The following PRKCE variants were observed in gnomAD, a reference collection of about 807,000 sequenced individuals.
The protein encoded by PRKCE is protein kinase C epsilon.
PRKCE carries 16 observed loss-of-function variants against 85.4 expected under a neutral mutation model. The ratio of observed to expected loss-of-function variants is 0.19; its 90% CI spans 0.13 to 0.28. PRKCE has a LOEUF of 0.28. Ranked by LOEUF, PRKCE falls within the 10% of genes least tolerant of loss-of-function variation. PRKCE has a pLI of 1.00. For missense variants in PRKCE, 573 were observed against 975.2 expected, an observed-to-expected ratio of 0.59 and a Z score of 5.49; for synonymous variants, 388 against 371.5, an observed-to-expected ratio of 1.04 and a Z score of -0.51.
At chr2:46,040,283 C>T (rs551157196) in intron 10 of PRKCE, among the ~76,000 whole-genome samples, 2 of 152,064 alleles carry the variant, frequency 1.3e-5, no homozygotes, top group African/African-American at 4.8e-5. Flanking sequence ...GGGAGAGGAT[C>T]CACACAAAAG....
At position 46,001,577 on chromosome 2, in the gene PRKCE, C is replaced by G; in HGVS notation, c.966+31C>G. The stretch of plus-strand genomic sequence containing the variant: ...TGGCTGTTTGGTGGTGTTGCTGGAG[C>G]CCTTTTCAGGCTAGCATTTCTGTGC... On this transcript the variant is annotated intron_variant, in intron 7 of 14. Coordinates refer to ENST00000306156, the MANE Select transcript of PRKCE (RefSeq NM_005400.3). The surrounding 1 kb of genome is among the most constrained non-coding windows in gnomAD (Gnocchi z 4.4). 3.1e-6 allele frequency: 5 copies of G among 1,589,672 alleles called. No individual in the cohort carries two copies. Among genetic ancestry groups the G allele is most frequent in the Middle Eastern group, 1.7e-4 (1 of 5,976 alleles).
At chr2:45,719,709 C>T (rs1445617799) in intron 1 of PRKCE, among the ~76,000 whole-genome samples, 1 of 152,138 alleles carries the variant, frequency 6.6e-6, no homozygotes, top group East Asian at 1.9e-4. Context: ...TTTCTCTCCC[C>T]CTTTTACAAT....
At chr2:45,683,192 C>A (rs1295822993) in intron 1 of PRKCE, among the ~76,000 whole-genome samples, 1 of 152,200 alleles carries the variant, frequency 6.6e-6, no homozygotes, top group Non-Finnish European at 1.5e-5. Flanking sequence ...ACCGCAGAAT[C>A]TCTTTGTCTC....
chr2:45,665,988 T>C (rs1010421009), intron 1 of PRKCE, among the ~76,000 whole-genome samples: 8 of 152,142 alleles, frequency 5.3e-5, no homozygotes, highest in African/African-American at 1.9e-4. Flanking sequence ...GACCCCTTTC[T>C]AGGGCTTCTA....
intron 1 of PRKCE, among the ~76,000 whole-genome samples, chr2:45,799,700 C>G (rs1015614462): frequency 5.9e-5 from 9 of 152,202 alleles, no homozygotes; most frequent in Non-Finnish European, 1.2e-4. Context: ...CTTTTTAAAG[C>G]ATGGGGCTCA....
chr2:45,904,435 T>C (rs1696818952), intron 2 of PRKCE, among the ~76,000 whole-genome samples: 1 of 152,100 alleles, frequency 6.6e-6, no homozygotes, highest in South Asian at 2.1e-4. Context: ...TTTTGGTATT[T>C]GTAATGGAGA....
At position 46,097,950 on chromosome 2, in the gene PRKCE, G is replaced by C. The variant is rs191208675; in HGVS notation, c.1592+11588G>C. 4.1e-3 allele frequency among the ~76,000 whole-genome samples: 623 copies of C among 152,336 alleles called. 7 individuals carry two copies. Among genetic ancestry groups the C allele is most frequent in the Admixed American group, 0.015 (226 of 15,308 alleles). On this transcript the variant is annotated intron_variant, in intron 11 of 14. Coordinates refer to ENST00000306156, the MANE Select transcript of PRKCE (RefSeq NM_005400.3). ...CTGAGCTGGCTGGGATGAAAGCCAAGTTTACATTCCTTGGAGGAAGCCGCG... is the reference window on the plus strand; with the variant it reads ...CTGAGCTGGCTGGGATGAAAGCCAACTTTACATTCCTTGGAGGAAGCCGCG...
intron 6 of PRKCE, among the ~76,000 whole-genome samples, chr2:45,991,458 T>G (rs563916610): frequency 6.6e-6 from 1 of 152,362 alleles, no homozygotes; most frequent in Non-Finnish European, 1.5e-5. Flanking sequence ...CAATCCTCCG[T>G]GCATAGTTAT....
intron 2 of PRKCE, among the ~76,000 whole-genome samples, chr2:45,871,955 G>T (rs1421321500): frequency 6.6e-6 from 1 of 152,202 alleles, no homozygotes; most frequent in African/African-American, 2.4e-5. Context: ...CAAGTATACT[G>T]AGGACGGAGT....
intron 1 of PRKCE, among the ~76,000 whole-genome samples, chr2:45,742,953 A>T (rs1682701505): frequency 6.6e-6 from 1 of 152,252 alleles, no homozygotes; most frequent in South Asian, 2.1e-4. Context: ...AGCAGAAGCA[A>T]ATCCTGCCAT....
intron 1 of PRKCE, among the ~76,000 whole-genome samples, chr2:45,715,757 A>G (rs1009253440): frequency 6.6e-6 from 1 of 152,138 alleles, no homozygotes; most frequent in Non-Finnish European, 1.5e-5. Flanking sequence ...CACTACACGA[A>G]CTGCCTTTCT....
In PRKCE at chr2:46,185,043, T is replaced by A. The variant is rs983159003; in HGVS notation, c.*162T>A. 5.3e-6 allele frequency: 5 copies of A among 950,306 alleles called. No individual in the cohort carries two copies. The African/African-American group carries it at 6.6e-5, about 13-fold the overall frequency. 58.9% of individuals were successfully genotyped at this position (950,306 alleles called of 1,614,324 possible). A position where few individuals can be genotyped will look rare whatever the true frequency, so the allele number is the denominator to read the frequency against. On this transcript the variant is annotated 3_prime_UTR_variant, in exon 15 of 15. Coordinates refer to ENST00000306156, the MANE Select transcript of PRKCE (RefSeq NM_005400.3). The surrounding 1 kb of genome is among the most constrained non-coding windows in gnomAD (Gnocchi z 4.7). ...CATTCCCTTGCCCCAGGCCACCTCC[T>A]CCCCCTCCCACCTGGTGACCAGAAG...
chr2:46,127,488 T>C (rs565564738), intron 11 of PRKCE, among the ~76,000 whole-genome samples: 2 of 152,240 alleles, frequency 1.3e-5, no homozygotes, highest in Non-Finnish European at 2.9e-5. Flanking sequence ...TCTTAGGGCA[T>C]AGAAGCCCAC....
At chr2:45,784,883 G>A (rs1686474763) in intron 1 of PRKCE, among the ~76,000 whole-genome samples, 1 of 152,176 alleles carries the variant, frequency 6.6e-6, no homozygotes, top group Admixed American at 6.5e-5. Flanking sequence ...GTCTTTATTG[G>A]AGTATATGTG....
chr2:46,010,811 T>C lies in PRKCE; in HGVS notation c.1437+294T>C, dbSNP rs1004083544. ...TTTGCTCATTGGAAAAACCAACAAG[T>C]GTGGTTAGTCCTTGCTCTGCTCCTA... is the stretch of plus-strand genomic sequence containing the variant. On this transcript the variant is annotated intron_variant, in intron 10 of 14. Coordinates refer to ENST00000306156, the MANE Select transcript of PRKCE (RefSeq NM_005400.3). The C allele has an allele frequency of 2.5e-5, 39 of 1,579,258 alleles. No individual in the cohort carries two copies. The South Asian group carries it at 4.3e-4, about 17-fold the overall frequency.
chr2:45,894,598 G>A (rs1695987060), intron 2 of PRKCE, among the ~76,000 whole-genome samples: 1 of 152,028 alleles, frequency 6.6e-6, no homozygotes, highest in African/African-American at 2.4e-5. Context: ...ACATTTTCTG[G>A]AGTGGACGTG....
At chr2:45,904,325 AGTTCC>A (rs1696809906) in intron 2 of PRKCE, among the ~76,000 whole-genome samples, 1 of 152,098 alleles carries the variant, frequency 6.6e-6, no homozygotes, top group South Asian at 2.1e-4. Flanking sequence ...AAGAACTCCA[AGTTCC>A]CTGCCTGTGC....
chr2:45,831,232 A>G (rs760868978), intron 1 of PRKCE, among the ~76,000 whole-genome samples: 3 of 152,280 alleles, frequency 2.0e-5, no homozygotes, highest in Non-Finnish European at 4.4e-5. Flanking sequence ...ATGGGAAAGA[A>G]GGTGTATGTA....
intron 10 of PRKCE, among the ~76,000 whole-genome samples, chr2:46,031,591 C>CGTGT (rs58684318): frequency 0.046 from 6,612 of 144,008 alleles, 240 homozygotes; most frequent in Admixed American, 0.097. Context: ...ACATTCTGCT[C>CGTGT]GTGTGTGTGT....
Sources: allele counts gnomAD v4.1 joint callset (sites outside exome capture counted in the v4.1 genomes callset), GRCh38; gene constraint gnomAD v4.1.1; non-coding constraint Gnocchi (gnomAD v3.1); transcripts MANE v1.5; gene names NCBI Gene and HGNC (gene_info 2026-07-23, HGNC 2026-07-21).